MRPS27: variants seen among roughly 807,000 people sequenced by gnomAD.
MRPS27 encodes small ribosomal subunit protein mS27.
In MRPS27, 43 loss-of-function variants were observed where a neutral mutation model predicts 48.9. The observed-to-expected ratio is 0.88, with a 90% CI of 0.69 to 1.13. The LOEUF (loss-of-function observed/expected upper bound fraction) is 1.13, where lower values mean the gene tolerates loss of function less well. MRPS27 is among the 50% of genes most tolerant of loss of function. The pLI, the probability that MRPS27 is intolerant of heterozygous loss-of-function variation, is 0.00. For missense variants in MRPS27, 467 were observed against 476.3 expected (o/e 0.98, Z 0.18); for synonymous variants, 188 against 171.9 (o/e 1.09, Z -0.73).
At chr5:72,280,150 T>A (rs1749497336) in intron 4 of MRPS27, among the ~76,000 whole-genome samples, 2 of 152,226 alleles carry the variant, frequency 1.3e-5, no homozygotes, top group Non-Finnish European at 2.9e-5. Flanking sequence ...TTGTCTATCT[T>A]GTGGACCAAT....
At chr5:72,289,627 T>C (rs1749767214) in intron 4 of MRPS27, among the ~76,000 whole-genome samples, 1 of 152,104 alleles carries the variant, frequency 6.6e-6, no homozygotes, top group Admixed American at 6.5e-5. Flanking sequence ...TTTGTTATGT[T>C]GCCCAGGCTG....
chr5:72,290,089 C>T (rs1749780615), intron 4 of MRPS27, among the ~76,000 whole-genome samples: 1 of 152,110 alleles, frequency 6.6e-6, no homozygotes, highest in Admixed American at 6.5e-5. Context: ...GCCAATGGCA[C>T]AATTTTACCA....
At chr5:72,225,100 A>T (rs566379427) in intron 9 of MRPS27, among the ~76,000 whole-genome samples, 1 of 152,236 alleles carries the variant, frequency 6.6e-6, no homozygotes, top group Non-Finnish European at 1.5e-5. Flanking sequence ...CAAAGGATTT[A>T]TGTATAATTT....
At chr5:72,254,484 A>G (rs1017857342) in intron 4 of MRPS27, among the ~76,000 whole-genome samples, 1 of 152,218 alleles carries the variant, frequency 6.6e-6, no homozygotes, top group East Asian at 1.9e-4. Context: ...GGGAATTCAC[A>G]CTAAACACTA....
intron 2 of MRPS27, among the ~76,000 whole-genome samples, chr5:72,307,426 C>A (rs1173344934): frequency 6.6e-6 from 1 of 152,106 alleles, no homozygotes; most frequent in African/African-American, 2.4e-5. Flanking sequence ...ATTTACAACC[C>A]TATTAATATT....
intron 4 of MRPS27, among the ~76,000 whole-genome samples, chr5:72,243,097 G>A (rs1454039760): frequency 6.6e-6 from 1 of 152,186 alleles, no homozygotes; most frequent in Non-Finnish European, 1.5e-5. Context: ...CCTCAGCCAC[G>A]GAGCTGGGTA....
Position 72,221,018 on chromosome 5 carries a change from A to C in MRPS27, c.1136T>G (p.Leu379Arg). Residue 379 changes from leucine (L) to arginine (R), a missense_variant, in exon 11 of 11, where the codon CTG becomes CGG. Leu to Arg is a moderately radical substitution (Grantham distance 102). Coordinates refer to ENST00000261413, the MANE Select transcript of MRPS27 (RefSeq NM_015084.3). ...AEDIATYEQN[L>R]QQWHLDLVQL... The stretch of plus-strand genomic sequence containing the variant: ...TACAAGGTCTAGATGCCACTGCTGC[A>C]GATTCTGCTCATAGGTGGCGATGTC... 6.2e-7 allele frequency: 1 copy of C among 1,614,214 alleles called. No homozygotes were observed. The highest frequency in any genetic ancestry group is 8.5e-7 in the Non-Finnish European group (1 of 1,180,032).
At chr5:72,233,975 AAGAT>A in intron 6 of MRPS27, 140 bp downstream of exon 6, 1 of 868,716 alleles carries the variant, frequency 1.2e-6, no homozygotes, top group Non-Finnish European at 1.6e-6. Flanking sequence ...TTTTGCATAA[AAGAT>A]AATCATCAAA....
At chr5:72,250,618 T>C (rs1748640497) in intron 4 of MRPS27, among the ~76,000 whole-genome samples, 2 of 152,334 alleles carry the variant, frequency 1.3e-5, no homozygotes, top group South Asian at 4.1e-4. Flanking sequence ...AACCTAAGAA[T>C]CAGTTTTATC....
At chr5:72,234,273 A>T in intron 5 of MRPS27, 76 bp from the exon 6 acceptor site, 2 of 1,187,304 alleles carry the variant, frequency 1.7e-6, no homozygotes, top group Non-Finnish European at 2.2e-6. Flanking sequence ...CCTATGTATT[A>T]TTCAGAATAA....
intron 4 of MRPS27, among the ~76,000 whole-genome samples, chr5:72,239,581 G>A (rs1748296976): frequency 6.6e-6 from 1 of 152,180 alleles, no homozygotes; most frequent in Admixed American, 6.5e-5. Flanking sequence ...GCATGGTATA[G>A]GGGACCTAGA....
chr5:72,320,121 A>G (rs755688897), intron 1 of MRPS27, 28 bp downstream of exon 1: 2 of 1,604,744 alleles, frequency 1.2e-6, no homozygotes, highest in South Asian at 2.2e-5. Context: ...CAGAATAATC[A>G]GGGGCCTAAT....
At chr5:72,258,632 G>C (rs911462430) in intron 4 of MRPS27, among the ~76,000 whole-genome samples, 1 of 152,110 alleles carries the variant, frequency 6.6e-6, no homozygotes, top group African/African-American at 2.4e-5. Context: ...ACTCTGCCAT[G>C]TGAAGAAGAG....
chr5:72,252,883 G>C (rs1184108358), intron 4 of MRPS27, among the ~76,000 whole-genome samples: 1 of 152,160 alleles, frequency 6.6e-6, no homozygotes, highest in East Asian at 1.9e-4. Context: ...AGAGTACCTA[G>C]AGAGGGCTCA....
intron 2 of MRPS27, among the ~76,000 whole-genome samples, chr5:72,308,926 G>A (rs144817834): frequency 6.6e-6 from 1 of 152,306 alleles, no homozygotes; most frequent in African/African-American, 2.4e-5. Flanking sequence ...ATGTCAGACG[G>A]AGAGGCAGGC....
chr5:72,314,188 C>G, intron 1 of MRPS27, 30 bp from the exon 2 acceptor site: 1 of 1,522,762 alleles, frequency 6.6e-7, no homozygotes, highest in East Asian at 2.3e-5. Flanking sequence ...TTTCAACACA[C>G]ATGGTTTTAC....
Position 72,278,384 on chromosome 5 carries a change from A to C in MRPS27, c.281+17147T>G, listed in dbSNP as rs1243796389. On this transcript the variant is annotated intron_variant, in intron 4 of 10. Coordinates refer to ENST00000261413, the MANE Select transcript of MRPS27 (RefSeq NM_015084.3). ...TGTGAACCCAGGAGGCGGAGATTGC[A>C]GTGAGCCGAGATCGCGCCACTGCAC... Among the ~76,000 whole-genome samples the C allele has an allele frequency of 2.7e-5, 4 of 148,814 alleles. 1 individual carries two copies. The Admixed American group carries it at 2.7e-4, about 10-fold the overall frequency.
intron 4 of MRPS27, among the ~76,000 whole-genome samples, chr5:72,253,543 G>C (rs1052389839): frequency 5.3e-5 from 8 of 152,102 alleles, no homozygotes; most frequent in African/African-American, 1.9e-4. Flanking sequence ...TAAGACAAAA[G>C]GCGAGAAGAG....
chr5:72,301,810 G>A (rs761539469), intron 2 of MRPS27, among the ~76,000 whole-genome samples: 12 of 152,238 alleles, frequency 7.9e-5, no homozygotes, highest in Admixed American at 3.9e-4. Flanking sequence ...TAGCACTGCC[G>A]TGATGAATGA....
Sources: gnomAD v4.1 joint callset for allele counts (sites outside exome capture counted in the v4.1 genomes callset) on GRCh38, gnomAD v4.1.1 for gene constraint, MANE v1.5 for transcripts, NCBI Gene and HGNC (gene_info 2026-07-23, HGNC 2026-07-21) for gene names.